The following MINAR1 variants were observed in gnomAD, a reference collection of about 807,000 sequenced individuals.
MINAR1 encodes major intrinsically disordered Notch2-binding receptor 1.
Under a neutral mutation model 65.1 loss-of-function variants are expected in MINAR1, and 40 were observed. The ratio of observed to expected loss-of-function variants is 0.61; its 90% CI spans 0.48 to 0.80. MINAR1 has a LOEUF of 0.80. MINAR1 is among the 30% of genes least tolerant of loss of function. The pLI, the probability that MINAR1 is intolerant of heterozygous loss-of-function variation, is 0.00. For synonymous variants in MINAR1, 482 were observed against 449.1 expected, an observed-to-expected ratio of 1.07 and a Z score of -0.93; for missense variants, 1,128 against 1,148.0, an observed-to-expected ratio of 0.98 and a Z score of 0.25.
the MINAR1 span, chr15:79,415,269 C>T: frequency 6.6e-6 from 1 of 152,210 alleles, no homozygotes; most frequent in East Asian, 1.9e-4. Context: ...TAGGCACCTA[C>T]TGAAAGGTCG....
chr15:79,468,083 C>A, intron 3 of MINAR1, 104 bp from the exon 4 acceptor site: 2 of 870,764 alleles, frequency 2.3e-6, no homozygotes, highest in Non-Finnish European at 3.6e-6. Context: ...CTCTAACTCC[C>A]AGCTGCAGAC....
intron 1 of MINAR1, among the ~76,000 whole-genome samples, chr15:79,453,200 TCAGC>T (rs1895295868): frequency 6.6e-6 from 1 of 152,088 alleles, no homozygotes; most frequent in South Asian, 2.1e-4. Flanking sequence ...ATGTAAGGCC[TCAGC>T]ACATAGTAGG....
upstream of MINAR1, among the ~76,000 whole-genome samples, chr15:79,431,322 C>T (rs1256700503): frequency 6.6e-6 from 1 of 152,180 alleles, no homozygotes; most frequent in African/African-American, 2.4e-5. Context: ...ACGTGAGCTT[C>T]CCCAGCCACA....
chr15:79,460,028 C>A (rs1895591370), intron 2 of MINAR1, among the ~76,000 whole-genome samples: 1 of 152,172 alleles, frequency 6.6e-6, no homozygotes, highest in African/African-American at 2.4e-5. Flanking sequence ...TAAACTGAAC[C>A]AGCCATGCCT....
chr15:79,430,132 C>G (rs148575893), upstream of MINAR1, among the ~76,000 whole-genome samples: 84 of 152,314 alleles, frequency 5.5e-4, no homozygotes, highest in African/African-American at 1.9e-3. Context: ...TCAGAAAGCT[C>G]TAATCTGCAT....
chr15:79,456,168 T>C lies in MINAR1; in HGVS notation c.21T>C (p.Thr7=), dbSNP rs1162096075. The change falls in exon 2 of 4, where the codon ACT becomes ACC. Residue 7 remains threonine (T), a synonymous_variant. Coordinates refer to ENST00000305428, the MANE Select transcript of MINAR1 (RefSeq NM_015206.3). ...AAATCATGGAGACCAGTCAGGAAAC[T>C]TCCCTCTTCTTGGTGAAGATCTTGG... METSQE[T]SLFLVKILEE... 1.9e-6 allele frequency: 3 copies of C among 1,613,530 alleles called. No individual in the cohort carries two copies. The highest frequency in any genetic ancestry group is 2.5e-6 in the Non-Finnish European group (3 of 1,179,486).
chr15:79,415,640 A>T, the MINAR1 span: 1 of 152,120 alleles, frequency 6.6e-6, no homozygotes, highest in Non-Finnish European at 1.5e-5. Context: ...ACTTGATTGG[A>T]TTGTGAACAG....
At chr15:79,419,122 C>T in the MINAR1 span, 1 of 151,936 alleles carries the variant, frequency 6.6e-6, no homozygotes, top group African/African-American at 2.4e-5. Context: ...CATAGGCTAC[C>T]CTTCTTAGCT....
In MINAR1 at chr15:79,468,355, G is replaced by A; in HGVS notation, c.2722G>A (p.Val908Ile). The change falls in exon 4 of 4, where the codon GTC becomes ATC. Residue 908 changes from valine to isoleucine, a missense_variant. By Grantham distance (29) the Val-to-Ile change is conservative. Coordinates refer to ENST00000305428, the MANE Select transcript of MINAR1 (RefSeq NM_015206.3). Reference sequence around the variant, plus strand: ...GGCATGCACCGTCATCCTCGTTATTGTCGTGCCCATCTGCACAATGAAATC... The same window carrying A: ...GGCATGCACCGTCATCCTCGTTATTATCGTGCCCATCTGCACAATGAAATC... ...AAACTVILVI[V>I]VPICTMKS is the part of the protein sequence containing the mutation. 6.2e-7 allele frequency: 1 copy of A among 1,614,060 alleles called. No individual in the cohort carries two copies. Among genetic ancestry groups the A allele is most frequent in the Non-Finnish European group, 8.5e-7 (1 of 1,179,996 alleles).
chr15:79,463,300 G>A lies in MINAR1; in HGVS notation c.2532G>A (p.Lys844=), dbSNP rs200716974. 6 of 1,613,928 alleles carry A rather than the reference G, an allele frequency of 3.7e-6. No individual in the cohort carries two copies. Among genetic ancestry groups the A allele is most frequent in the Non-Finnish European group, 5.1e-6 (6 of 1,179,830 alleles). ...CACGGAATGCGGGCGACAAGGGCAAGCTGACAGCCCTGGACCTGCAGGTGA... is the reference window on the plus strand; with the variant it reads ...CACGGAATGCGGGCGACAAGGGCAAACTGACAGCCCTGGACCTGCAGGTGA... The part of the protein sequence containing the change: ...EYARNAGDKG[K]LTALDLQTQE... Residue 844 remains lysine (K), a synonymous_variant, in exon 3 of 4, where the codon AAG becomes AAA. Coordinates refer to ENST00000305428, the MANE Select transcript of MINAR1 (RefSeq NM_015206.3).
At chr15:79,427,661 G>A (rs1894344348), upstream of MINAR1, among the ~76,000 whole-genome samples, 1 of 152,224 alleles carries the variant, frequency 6.6e-6, no homozygotes, top group Admixed American at 6.5e-5. Context: ...AGGAAGTGAA[G>A]TAGAGGTTAG....
chr15:79,456,498 A>G lies in MINAR1; in HGVS notation c.351A>G (p.Ala117=), dbSNP rs761175720. ...GCCAGAAGGTACGCAAGAAGGAGGCATCCTTTGAATCATGTAGGTCGGACA... is the reference window on the plus strand; with the variant it reads ...GCCAGAAGGTACGCAAGAAGGAGGCGTCCTTTGAATCATGTAGGTCGGACA... ...TGRQKVRKKE[A]SFESCRSDTE... Residue 117 remains alanine, a synonymous_variant, in exon 2 of 4, where the codon GCA becomes GCG. Coordinates refer to ENST00000305428, the MANE Select transcript of MINAR1 (RefSeq NM_015206.3). 2 of 1,613,936 alleles carry G rather than the reference A, an allele frequency of 1.2e-6. No homozygotes were observed. The highest frequency in any genetic ancestry group is 1.3e-5 in the African/African-American group (1 of 74,940).
chr15:79,437,390 T>A (rs1894634370), intron 1 of MINAR1, among the ~76,000 whole-genome samples: 1 of 145,500 alleles, frequency 6.9e-6, no homozygotes, highest in Admixed American at 7.1e-5. Context: ...TGGTGGGCAG[T>A]GATTGGGTGT....
At chr15:79,431,127 C>G (rs1423027440), upstream of MINAR1, among the ~76,000 whole-genome samples, 1 of 151,834 alleles carries the variant, frequency 6.6e-6, no homozygotes, top group Non-Finnish European at 1.5e-5. Context: ...AGGGCTCTGT[C>G]CCTGGGGAGG....
At position 79,459,719 on chromosome 15, in the gene MINAR1, G is replaced by A. The variant is rs201704088; in HGVS notation, c.2298+1274G>A. Among the ~76,000 whole-genome samples, 9 of 152,172 alleles carry A rather than the reference G, an allele frequency of 5.9e-5. No individual in the cohort carries two copies. The East Asian group carries it at 1.5e-3, about 26-fold the overall frequency. On this transcript the variant is annotated intron_variant, in intron 2 of 3. Coordinates refer to ENST00000305428, the MANE Select transcript of MINAR1 (RefSeq NM_015206.3). Reference sequence around the variant, plus strand: ...TAAGGAAATTTTCAGGGTCCAAAGAGGGGAGGGAGTATTTAAAATCCCCCT... The same window carrying A: ...TAAGGAAATTTTCAGGGTCCAAAGAAGGGAGGGAGTATTTAAAATCCCCCT...
At chr15:79,433,142 G>T (rs1040953901) in intron 1 of MINAR1, among the ~76,000 whole-genome samples, 2 of 152,166 alleles carry the variant, frequency 1.3e-5, no homozygotes, top group South Asian at 2.1e-4. Flanking sequence ...GCTCACACGC[G>T]GTCCAACTCA....
chr15:79,413,348 G>A, the MINAR1 span: 1 of 152,232 alleles, frequency 6.6e-6, no homozygotes, highest in Non-Finnish European at 1.5e-5. Context: ...GTAGAGCTCT[G>A]TGATCCACCC....
At chr15:79,436,166 TAAAC>T (rs776387601) in intron 1 of MINAR1, among the ~76,000 whole-genome samples, 39 of 152,228 alleles carry the variant, frequency 2.6e-4, no homozygotes, top group Admixed American at 1.0e-3. Context: ...GCATTGATAA[TAAAC>T]AAACTGAAAT....
At chr15:79,431,511 GTGT>G (rs778120148), upstream of MINAR1, among the ~76,000 whole-genome samples, 62 of 141,158 alleles carry the variant, frequency 4.4e-4, no homozygotes, top group Middle Eastern at 7.2e-3. Flanking sequence ...ATGTGTGTGT[GTGT>G]GGGGGGGGAG....
Sources: gnomAD v4.1 joint callset for allele counts (sites outside exome capture counted in the v4.1 genomes callset) on GRCh38, gnomAD v4.1.1 for gene constraint, MANE v1.5 for transcripts, NCBI Gene and HGNC (gene_info 2026-07-23, HGNC 2026-07-21) for gene names.